Variants in MYO6 observed in about 807,000 individuals in gnomAD.
MYO6 encodes unconventional myosin-VI.
MYO6 carries 74 observed loss-of-function variants against 178.7 expected under a neutral mutation model. The observed-to-expected ratio is 0.41, with a 90% CI of 0.34 to 0.50. The LOEUF (loss-of-function observed/expected upper bound fraction) is 0.50, where lower values mean the gene tolerates loss of function less well. MYO6 is among the 20% of genes least tolerant of loss of function. The pLI, the probability that MYO6 is intolerant of heterozygous loss-of-function variation, is 0.09. For synonymous variants in MYO6, 477 were observed against 504.6 expected, an observed-to-expected ratio of 0.95 and a Z score of 0.73; for missense variants, 1,330 against 1,547.4, an observed-to-expected ratio of 0.86 and a Z score of 2.36.
At chr6:75,839,832 T>C (rs995837482) in intron 7 of MYO6, among the ~76,000 whole-genome samples, 14 of 152,132 alleles carry the variant, frequency 9.2e-5, no homozygotes, top group Admixed American at 9.2e-4. Context: ...AGACTATTAA[T>C]ATGTGAAATG....
chr6:75,841,178 T>C (rs1774187728), intron 8 of MYO6, 36 bp from the exon 9 acceptor site: 1 of 1,591,938 alleles, frequency 6.3e-7, no homozygotes, highest in African/African-American at 1.3e-5. Flanking sequence ...AGACTTTAAA[T>C]GCAAAAATAT....
intron 1 of MYO6, among the ~76,000 whole-genome samples, chr6:75,765,451 A>G (rs1778334414): frequency 6.6e-6 from 1 of 152,088 alleles, no homozygotes. Context: ...TGTTGGGATT[A>G]CAGGCATGAG....
At chr6:75,824,441 G>C (rs1268393174) in intron 3 of MYO6, among the ~76,000 whole-genome samples, 1 of 152,050 alleles carries the variant, frequency 6.6e-6, no homozygotes, top group Non-Finnish European at 1.5e-5. Flanking sequence ...CAGCTGCAGT[G>C]GTTCTGTCAC....
chr6:75,907,794 ATGTGTGTGTGTGTGTG>A, intron 31 of MYO6, 86 bp downstream of exon 31: 1 of 750,494 alleles, frequency 1.3e-6, no homozygotes, highest in South Asian at 1.5e-5. Flanking sequence ...GTGTGTGTGT[ATGTGTGTGTGTGTGTG>A]TGTGTGTATG....
chr6:75,795,740 G>C (rs986167343), intron 1 of MYO6, among the ~76,000 whole-genome samples: 2 of 152,104 alleles, frequency 1.3e-5, no homozygotes, highest in Non-Finnish European at 2.9e-5. Flanking sequence ...TCCATGTTTT[G>C]AGAATCTGTT....
At chr6:75,820,923 G>A (rs1771809430) in intron 2 of MYO6, among the ~76,000 whole-genome samples, 1 of 152,114 alleles carries the variant, frequency 6.6e-6, no homozygotes, top group Non-Finnish European at 1.5e-5. Flanking sequence ...AAGTGCAGGG[G>A]CTATTTTATT....
chr6:75,756,997 CA>C lies in MYO6; in HGVS notation c.-48+7575del, dbSNP rs199577711. On this transcript the variant is annotated intron_variant, in intron 1 of 34. Transcript: ENST00000369977. ...TATAGTGTGTATATATGTATACACA[CA>C]TATATAGTGTGTATATATGTATACA... Among the ~76,000 whole-genome samples the C allele has an allele frequency of 1.4e-4, 18 of 129,632 alleles. No individual in the cohort carries two copies. In the East Asian group the frequency reaches 2.8e-3, roughly 20 times the overall value. The allele number at this position is 129,632 out of a possible 152,430, so 85.0% of individuals were successfully genotyped here. A position where few individuals can be genotyped will look rare whatever the true frequency, so the allele number is the denominator to read the frequency against.
chr6:75,872,935 G>A (rs781391698), intron 19 of MYO6, among the ~76,000 whole-genome samples: 1 of 151,886 alleles, frequency 6.6e-6, no homozygotes, highest in Non-Finnish European at 1.5e-5. Context: ...CACCATGCCT[G>A]GCTAATTTTT....
At chr6:75,819,381 C>A (rs2150173705) in intron 2 of MYO6, among the ~76,000 whole-genome samples, 1 of 152,336 alleles carries the variant, frequency 6.6e-6, no homozygotes. Flanking sequence ...TTAGCTCATT[C>A]ATTGCCTAGA....
At position 75,851,644 on chromosome 6, in the gene MYO6, CA is replaced by C. The variant is rs1299099609; in HGVS notation, c.1078+3120del. On this transcript the variant is annotated intron_variant, in intron 11 of 34. Coordinates refer to ENST00000369977, the MANE Select transcript of MYO6 (RefSeq NM_004999.4). The stretch of plus-strand genomic sequence containing the variant: ...ATAGTGAGACCCCATAAAAAAAAAA[CA>C]AAAAAACCCCCAAAACACACACACA... Among the ~76,000 whole-genome samples the C allele has an allele frequency of 2.0e-5, 3 of 149,886 alleles. 1 individual carries two copies. Among genetic ancestry groups the C allele is most frequent in the African/African-American group, 4.9e-5 (2 of 40,884 alleles).
At chr6:75,770,821 A>G (rs1481011901) in intron 1 of MYO6, among the ~76,000 whole-genome samples, 1 of 152,074 alleles carries the variant, frequency 6.6e-6, no homozygotes, top group African/African-American at 2.4e-5. Context: ...TGTTTGTGTA[A>G]TTGAAAGCCA....
intron 10 of MYO6, among the ~76,000 whole-genome samples, chr6:75,845,818 C>G (rs1583258159): frequency 6.6e-6 from 1 of 151,810 alleles, no homozygotes; most frequent in Non-Finnish European, 1.5e-5. Context: ...GACCCTGTCT[C>G]TACCAAAAAA....
chr6:75,805,621 T>G (rs1340088063), intron 1 of MYO6, among the ~76,000 whole-genome samples: 12 of 152,216 alleles, frequency 7.9e-5, no homozygotes, highest in Admixed American at 7.9e-4. Flanking sequence ...ACATGGTGCT[T>G]CTGTGGATTA....
intron 1 of MYO6, among the ~76,000 whole-genome samples, chr6:75,767,129 G>T (rs938285204): frequency 6.6e-6 from 1 of 151,882 alleles, no homozygotes; most frequent in Non-Finnish European, 1.5e-5. Context: ...AGGTTCAAGT[G>T]ATTCTCATGC....
intron 1 of MYO6, among the ~76,000 whole-genome samples, chr6:75,802,505 A>G (rs1254830313): frequency 1.4e-5 from 2 of 142,414 alleles, no homozygotes; most frequent in Non-Finnish European, 3.0e-5. Context: ...TTTTAATGAG[A>G]CTGAGTCTCG....
At chr6:75,854,162 C>T (rs921669596) in intron 11 of MYO6, among the ~76,000 whole-genome samples, 4 of 151,962 alleles carry the variant, frequency 2.6e-5, no homozygotes, top group South Asian at 4.1e-4. Context: ...TATATCTTTT[C>T]CTCACATACC....
chr6:75,826,581 A>G (rs1772491178), intron 3 of MYO6, among the ~76,000 whole-genome samples: 1 of 152,130 alleles, frequency 6.6e-6, no homozygotes, highest in Non-Finnish European at 1.5e-5. Context: ...CTTTGGGTAA[A>G]GAAAGAGGAA....
intron 11 of MYO6, among the ~76,000 whole-genome samples, chr6:75,849,351 G>A (rs1319019424): frequency 6.6e-6 from 1 of 152,122 alleles, no homozygotes; most frequent in Non-Finnish European, 1.5e-5. Context: ...ATTATTGTAC[G>A]ATCTTATACC....
chr6:75,754,519 CAAAAAAAAAAA>C (rs58162315), intron 1 of MYO6, among the ~76,000 whole-genome samples: 4 of 44,176 alleles, frequency 9.1e-5, no homozygotes, highest in East Asian at 9.8e-4. Context: ...GACTCCGTCT[CAAAAAAAAAAA>C]AAAAAAAAAA....
Sources: allele counts gnomAD v4.1 joint callset (sites outside exome capture counted in the v4.1 genomes callset), GRCh38; gene constraint gnomAD v4.1.1; transcripts MANE v1.5; gene names NCBI Gene and HGNC (gene_info 2026-07-23, HGNC 2026-07-21).